The following ADAMTS19 variants were observed in gnomAD, a reference collection of about 807,000 sequenced individuals.
ADAMTS19 encodes the protein A disintegrin and metalloproteinase with thrombospondin motifs 19.
In ADAMTS19, 93 loss-of-function variants were observed where a neutral mutation model predicts 153.3. The ratio of observed to expected loss-of-function variants is 0.61; its 90% CI spans 0.51 to 0.72. ADAMTS19 has a LOEUF of 0.72. ADAMTS19 is among the 30% of genes least tolerant of loss of function. The pLI is 0.00. For synonymous variants in ADAMTS19, 600 were observed against 556.6 expected (o/e 1.08, Z -1.10); for missense variants, 1,482 against 1,552.1 (o/e 0.95, Z 0.76).
At chr5:129,647,217 A>G (rs1181422376) in intron 11 of ADAMTS19, among the ~76,000 whole-genome samples, 5 of 87,422 alleles carry the variant, frequency 5.7e-5, no homozygotes, top group Admixed American at 2.6e-4. Context: ...TCTTTCAGAA[A>G]AAAAAAAAAA....
chr5:129,617,438 T>A (rs1259257323), intron 8 of ADAMTS19, among the ~76,000 whole-genome samples: 1 of 152,060 alleles, frequency 6.6e-6, no homozygotes, highest in Non-Finnish European at 1.5e-5. Context: ...TTGCCAAATC[T>A]TGGAAGCAAT....
Position 129,665,573 on chromosome 5 carries a change from T to A in ADAMTS19, c.2500T>A (p.Tyr834Asn). The change falls in exon 16 of 23, where the codon TAT (tyrosine) becomes AAT (asparagine). Residue 834 changes from tyrosine (Y) to asparagine (N), a missense_variant. Tyr to Asn is a moderately radical substitution (Grantham distance 143, BLOSUM62 -2). Transcript: ENST00000274487. ...KVVEEKPAHS[Y>N]LALRDAGKQS... Reference sequence around the variant, plus strand: ...TGTGGAGGAAAAGCCGGCACATAGCTATTTAGGTAACCTGTGTTACAGACA... The same window carrying A: ...TGTGGAGGAAAAGCCGGCACATAGCAATTTAGGTAACCTGTGTTACAGACA... 2 of 1,608,848 alleles carry A rather than the reference T, an allele frequency of 1.2e-6. No homozygotes were observed. The highest frequency in any genetic ancestry group is 1.1e-5 in the South Asian group (1 of 90,564).
At chr5:129,686,448 A>G (rs950027316) in intron 18 of ADAMTS19, among the ~76,000 whole-genome samples, 1 of 152,146 alleles carries the variant, frequency 6.6e-6, no homozygotes, top group East Asian at 1.9e-4. Context: ...CTAAAAGGCT[A>G]GAAATATAGA....
intron 2 of ADAMTS19, among the ~76,000 whole-genome samples, chr5:129,495,091 T>C (rs1197618578): frequency 6.6e-6 from 1 of 152,124 alleles, no homozygotes; most frequent in African/African-American, 2.4e-5. Context: ...CAAATAATTA[T>C]TAATATTTGT....
intron 7 of ADAMTS19, among the ~76,000 whole-genome samples, chr5:129,561,345 A>T (rs1035941184): frequency 1.3e-5 from 2 of 152,062 alleles, no homozygotes; most frequent in Non-Finnish European, 2.9e-5. Flanking sequence ...CTGGCTAACA[A>T]GGTGAAACCC....
chr5:129,704,708 A>G (rs1414801927), intron 21 of ADAMTS19, among the ~76,000 whole-genome samples: 1 of 152,216 alleles, frequency 6.6e-6, no homozygotes, highest in Non-Finnish European at 1.5e-5. Flanking sequence ...AACTATCTAA[A>G]CAAATAGAAT....
At chr5:129,641,046 T>C (rs1348448027) in intron 10 of ADAMTS19, among the ~76,000 whole-genome samples, 1 of 152,152 alleles carries the variant, frequency 6.6e-6, no homozygotes, top group Admixed American at 6.6e-5. Flanking sequence ...TGTACAATTG[T>C]TAACAATATG....
intron 10 of ADAMTS19, among the ~76,000 whole-genome samples, chr5:129,631,807 C>A (rs1752311204): frequency 6.6e-6 from 1 of 151,724 alleles, no homozygotes. Context: ...AAAATTATAA[C>A]CTTTTAATTG....
At chr5:129,528,736 C>G in intron 6 of ADAMTS19, 59 bp downstream of exon 6, 3 of 1,324,322 alleles carry the variant, frequency 2.3e-6, no homozygotes, top group Non-Finnish European at 3.1e-6. Flanking sequence ...ACTGTTGATC[C>G]CATTAATCCC....
chr5:129,630,454 ACT>A (rs1383705421), intron 10 of ADAMTS19, among the ~76,000 whole-genome samples: 1 of 152,036 alleles, frequency 6.6e-6, no homozygotes, highest in Non-Finnish European at 1.5e-5. Context: ...CCAATTATAG[ACT>A]CTCACATATG....
chr5:129,554,520 G>A (rs956432137), intron 7 of ADAMTS19, among the ~76,000 whole-genome samples: 1 of 152,076 alleles, frequency 6.6e-6, no homozygotes, highest in South Asian at 2.1e-4. Context: ...TGGATATAAA[G>A]AAGGAAGAAT....
chr5:129,502,727 C>T (rs1185764009), intron 2 of ADAMTS19, among the ~76,000 whole-genome samples: 1 of 152,148 alleles, frequency 6.6e-6, no homozygotes. Context: ...AATACCTGCT[C>T]TTCAGAGCAG....
At chr5:129,611,871 C>T (rs899905758) in intron 8 of ADAMTS19, among the ~76,000 whole-genome samples, 1 of 152,050 alleles carries the variant, frequency 6.6e-6, no homozygotes, top group Non-Finnish European at 1.5e-5. Context: ...CAAAGGGAAG[C>T]CCGTCAAACT....
Position 129,461,592 on chromosome 5 carries a change from G to T in ADAMTS19, c.582G>T (p.Ala194=). Residue 194 remains alanine (A), a synonymous_variant, in exon 2 of 23, where the codon GCG becomes GCT. Coordinates refer to ENST00000274487, the MANE Select transcript of ADAMTS19 (RefSeq NM_133638.6). This position sits in a 1 kb window ranked among gnomAD's most constrained non-coding sequence, Gnocchi z 4.6. Reference sequence around the variant, plus strand: ...TCCGGAGAGACGGCCGCTTCCTGGCGCCGCGCTTCGCAGTGGAACAGCGGC... The same window carrying T: ...TCCGGAGAGACGGCCGCTTCCTGGCTCCGCGCTTCGCAGTGGAACAGCGGC... The part of the protein sequence containing the change: ...LLLRRDGRFL[A]PRFAVEQRPN... 1 of 1,580,982 alleles carries T rather than the reference G, an allele frequency of 6.3e-7. No homozygotes were observed. The highest frequency in any genetic ancestry group is 8.5e-7 in the Non-Finnish European group (1 of 1,170,766).
At chr5:129,522,910 G>T (rs1751873852) in intron 3 of ADAMTS19, among the ~76,000 whole-genome samples, 1 of 152,050 alleles carries the variant, frequency 6.6e-6, no homozygotes, top group Admixed American at 6.6e-5. Context: ...ACAAAAATTA[G>T]CTGGGCATTG....
chr5:129,551,271 A>C (rs1037907901), intron 6 of ADAMTS19, among the ~76,000 whole-genome samples: 1 of 151,748 alleles, frequency 6.6e-6, no homozygotes, highest in Non-Finnish European at 1.5e-5. Flanking sequence ...AATTGATAAC[A>C]ACAGTGAAGC....
rs1483201854 is a variant in ADAMTS19 at position 129,648,879 on chromosome 5, G to A, written c.2085G>A (p.Leu695=). The A allele has an allele frequency of 1.9e-6, 3 of 1,613,708 alleles. No individual in the cohort carries two copies. The highest frequency in any genetic ancestry group is 2.7e-5 in the African/African-American group (2 of 74,868). Residue 695 remains leucine (L), a synonymous_variant, in exon 13 of 23, where the codon TTG becomes TTA. Coordinates refer to ENST00000274487, the MANE Select transcript of ADAMTS19 (RefSeq NM_133638.6). ...AGAATCCACCTTGTCCTGCAGGTTT[G>A]CCTGGATTCAGAGACTGGCAATGTC... ...ICENPPCPAG[L]PGFRDWQCQA...
At position 129,562,830 on chromosome 5, in the gene ADAMTS19, CT is replaced by C. The variant is rs1199582793; in HGVS notation, c.1372+10924del. On this transcript the variant is annotated intron_variant, in intron 7 of 22. Transcript: ENST00000274487. ...ACCAAGTTCCCAGCTCTATGATGCT[CT>C]GACTCTCCAGGCATTCTATGGAAAC... Among the ~76,000 whole-genome samples the C allele has an allele frequency of 8.5e-5, 13 of 152,234 alleles. No individual in the cohort carries two copies. The East Asian group carries it at 2.5e-3, about 29-fold the overall frequency.
chr5:129,539,560 A>G (rs1752583305), intron 6 of ADAMTS19, among the ~76,000 whole-genome samples: 1 of 152,104 alleles, frequency 6.6e-6, no homozygotes, highest in Non-Finnish European at 1.5e-5. Flanking sequence ...GCAATCGGAA[A>G]CTGATGCATT....
Sources: gnomAD v4.1 joint callset for allele counts (sites outside exome capture counted in the v4.1 genomes callset) on GRCh38, gnomAD v4.1.1 for gene constraint, Gnocchi (gnomAD v3.1) non-coding constraint, MANE v1.5 for transcripts, NCBI Gene and HGNC (gene_info 2026-07-23, HGNC 2026-07-21) for gene names.